NEK10: variants seen among roughly 807,000 people sequenced by gnomAD.
NEK10 encodes NIMA related kinase 10.
Under a neutral mutation model 159.8 loss-of-function variants are expected in NEK10, and 122 were observed. The ratio of observed to expected loss-of-function variants is 0.76; its 90% confidence interval spans 0.66 to 0.89. The LOEUF (loss-of-function observed/expected upper bound fraction) is 0.89. Among genes scored for constraint, NEK10 ranks in the 40% least tolerant of loss-of-function variants. NEK10 has a pLI of 0.00. For missense variants in NEK10, 1,342 were observed against 1,323.1 expected, an observed-to-expected ratio of 1.01 and a Z score of -0.22; for synonymous variants, 466 against 457.1, an observed-to-expected ratio of 1.02 and a Z score of -0.25.
At chr3:27,254,628 C>T (rs981167405) in intron 23 of NEK10, among the ~76,000 whole-genome samples, 6 of 151,708 alleles carry the variant, frequency 4.0e-5, no homozygotes, top group African/African-American at 1.5e-4. Context: ...TCTAATAACT[C>T]GGAGAGATGA....
At chr3:27,317,358 G>A (rs977716359) in intron 6 of NEK10, among the ~76,000 whole-genome samples, 6 of 152,154 alleles carry the variant, frequency 3.9e-5, no homozygotes, top group South Asian at 2.1e-4. Flanking sequence ...ACAGCAATGC[G>A]CCCTGTGTGC....
intron 23 of NEK10, among the ~76,000 whole-genome samples, chr3:27,239,123 G>T (rs1954281297): frequency 6.6e-6 from 1 of 151,844 alleles, no homozygotes; most frequent in Non-Finnish European, 1.5e-5. Context: ...CAGTGGAAAG[G>T]GGCCAATCTC....
Position 27,338,144 on chromosome 3 carries a change from A to T in NEK10, c.362+6128T>A, listed in dbSNP as rs2046944094. Among the ~76,000 whole-genome samples the T allele has an allele frequency of 2.0e-5, 3 of 152,048 alleles. No individual in the cohort carries two copies. In the South Asian group the frequency reaches 6.2e-4, roughly 32 times the overall value. On this transcript the variant is annotated intron_variant, in intron 5 of 35. Transcript: ENST00000691995. ...GATCTTCCGCTCCCTGTGTCCATGT[A>T]TTCTCATAGTTCAACTCCCACTTAT... is the stretch of plus-strand genomic sequence containing the variant.
At position 27,321,942 on chromosome 3, in the gene NEK10, A is replaced by G. The variant is rs182121365; in HGVS notation, c.447+235T>C. ...AAAGAAAACATAGACCAAAAAGTTC[A>G]ATCCACTTAATCCCATAAGTAATAC... is the stretch of plus-strand genomic sequence containing the variant. On this transcript the variant is annotated intron_variant, in intron 6 of 35. Coordinates refer to ENST00000691995, the MANE Select transcript of NEK10 (RefSeq NM_001394966.1). Among the ~76,000 whole-genome samples the G allele has an allele frequency of 7.0e-3, 1,070 of 152,326 alleles. 5 individuals carry two copies. The highest frequency in any genetic ancestry group is 0.016 in the Admixed American group (247 of 15,306).
At chr3:27,214,555 T>C (rs1951310533) in intron 23 of NEK10, among the ~76,000 whole-genome samples, 1 of 144,028 alleles carries the variant, frequency 6.9e-6, no homozygotes, top group Non-Finnish European at 1.5e-5. Flanking sequence ...CTTTCTTTTT[T>C]TTGTTTTTCC....
intron 23 of NEK10, among the ~76,000 whole-genome samples, chr3:27,207,470 G>C (rs1950624845): frequency 5.3e-5 from 8 of 152,122 alleles, no homozygotes; most frequent in Admixed American, 5.2e-4. Flanking sequence ...ATAAGTGTTA[G>C]AAAATATTAA....
At chr3:27,260,231 C>T (rs560764485) in intron 22 of NEK10, among the ~76,000 whole-genome samples, 1 of 152,228 alleles carries the variant, frequency 6.6e-6, no homozygotes, top group Admixed American at 6.5e-5. Flanking sequence ...TGCCTGATTG[C>T]CCTGGCCAGA....
At chr3:27,146,192 A>C (rs950551697) in intron 30 of NEK10, among the ~76,000 whole-genome samples, 10 of 152,184 alleles carry the variant, frequency 6.6e-5, no homozygotes, top group Non-Finnish European at 1.0e-4. Context: ...TGCATAATAA[A>C]ATAGCCAAGT....
chr3:27,173,453 T>C (rs1947203194), intron 28 of NEK10, among the ~76,000 whole-genome samples: 1 of 152,140 alleles, frequency 6.6e-6, no homozygotes, highest in African/African-American at 2.4e-5. Context: ...GTTTTCCCAA[T>C]CACAAATTAA....
chr3:27,251,616 G>A (rs1349178573), intron 23 of NEK10, among the ~76,000 whole-genome samples: 1 of 152,186 alleles, frequency 6.6e-6, no homozygotes, highest in Non-Finnish European at 1.5e-5. Context: ...TTCCTGTGCA[G>A]CCTGCAGAAC....
intron 29 of NEK10, among the ~76,000 whole-genome samples, chr3:27,168,814 A>G (rs1397494944): frequency 1.3e-5 from 2 of 152,224 alleles, no homozygotes; most frequent in Non-Finnish European, 2.9e-5. Context: ...ACTTCAATGT[A>G]TGGGCCACTT....
intron 5 of NEK10, among the ~76,000 whole-genome samples, chr3:27,336,416 A>G (rs1277662091): frequency 6.6e-6 from 1 of 152,174 alleles, no homozygotes. Context: ...TACCAAACAT[A>G]TAAGGAAGAA....
chr3:27,126,002 T>C (rs761772192), intron 32 of NEK10, among the ~76,000 whole-genome samples: 4 of 152,160 alleles, frequency 2.6e-5, no homozygotes, highest in Non-Finnish European at 5.9e-5. Flanking sequence ...TCTCTACTTG[T>C]TCAAAACAGG....
At chr3:27,126,406 T>C (rs986283660) in intron 32 of NEK10, among the ~76,000 whole-genome samples, 30 of 152,178 alleles carry the variant, frequency 2.0e-4, no homozygotes, top group Non-Finnish European at 2.9e-5. Context: ...AAATGCAGAA[T>C]ATTGGGTCCA....
intron 6 of NEK10, among the ~76,000 whole-genome samples, chr3:27,316,296 G>T (rs956196372): frequency 6.6e-6 from 1 of 152,200 alleles, no homozygotes; most frequent in East Asian, 1.9e-4. Flanking sequence ...AGAGAAAGGG[G>T]TAGTATTTGA....
chr3:27,364,398 GTGTGTGTA>G (rs1179865750), intron 1 of NEK10, among the ~76,000 whole-genome samples: 9 of 101,748 alleles, frequency 8.8e-5, no homozygotes, highest in African/African-American at 1.6e-4. Context: ...GTGTGTGTGT[GTGTGTGTA>G]TAGTAGAGAC....
intron 23 of NEK10, among the ~76,000 whole-genome samples, chr3:27,204,289 TTTTTTG>T (rs1168690079): frequency 7.1e-5 from 8 of 113,416 alleles, no homozygotes; most frequent in African/African-American, 3.2e-4. Context: ...TTTTTTTTTT[TTTTTTG>T]TTGTTGTTTT....
chr3:27,193,139 C>T (rs1002143929), intron 25 of NEK10, among the ~76,000 whole-genome samples: 2 of 152,210 alleles, frequency 1.3e-5, no homozygotes, highest in African/African-American at 2.4e-5. Context: ...AGAAAATCCA[C>T]ACTTTTATGT....
At position 27,229,498 on chromosome 3, in the gene NEK10, C is replaced by T. The variant is rs115306285; in HGVS notation, c.2090+26798G>A. On this transcript the variant is annotated intron_variant, in intron 23 of 35. Coordinates refer to ENST00000691995, the MANE Select transcript of NEK10 (RefSeq NM_001394966.1). ...CCCCCAAAAGATCACACGAGTTCCA[C>T]ATTAATGAATCCAAACTAAAGGGAA... Among the ~76,000 whole-genome samples, 1,351 of 152,110 alleles carry T rather than the reference C, an allele frequency of 8.9e-3. 24 individuals are homozygous for T. The highest frequency in any genetic ancestry group is 0.03 in the African/African-American group (1,254 of 41,476).
Sources: allele counts gnomAD v4.1 joint callset (sites outside exome capture counted in the v4.1 genomes callset), GRCh38; gene constraint gnomAD v4.1.1; transcripts MANE v1.5; gene names NCBI Gene and HGNC (gene_info 2026-07-23, HGNC 2026-07-21).